The following KIF17 variants were observed in gnomAD, a reference collection of about 807,000 sequenced individuals.
KIF17 encodes the protein kinesin family member 17.
In KIF17, 80 loss-of-function variants were observed where a neutral mutation model predicts 96.8. The ratio of observed to expected loss-of-function variants is 0.83; its 90% confidence interval spans 0.69 to 1.00. KIF17 has a LOEUF of 1.00. KIF17 is among the 50% of genes least tolerant of loss of function. The pLI is 0.00. For synonymous variants in KIF17, 567 were observed against 587.5 expected (o/e 0.97, Z 0.51); for missense variants, 1,280 against 1,372.9 (o/e 0.93, Z 1.07).
At chr1:20,673,821 G>A (rs1334879609) in intron 11 of KIF17, among the ~76,000 whole-genome samples, 4 of 152,054 alleles carry the variant, frequency 2.6e-5, no homozygotes, top group African/African-American at 4.8e-5. Context: ...GAGCCACCGC[G>A]CCCGGCCCTG....
chr1:20,676,113 A>C (rs1206631035), intron 11 of KIF17, among the ~76,000 whole-genome samples: 1 of 152,182 alleles, frequency 6.6e-6, no homozygotes, highest in Non-Finnish European at 1.5e-5. Context: ...TAGATCATTA[A>C]TTTACTCTTT....
chr1:20,680,305 C>G (rs1320829126), intron 11 of KIF17, among the ~76,000 whole-genome samples: 3 of 152,186 alleles, frequency 2.0e-5, no homozygotes, highest in African/African-American at 7.2e-5. Context: ...CAGAAAAGAA[C>G]AGATGTGTCT....
rs551278299 is a variant in KIF17 at position 20,685,040 on chromosome 1, C to T, written c.2020-20G>A. 2 of 1,566,564 alleles carry T rather than the reference C, an allele frequency of 1.3e-6. No homozygotes were observed. Among genetic ancestry groups the T allele is most frequent in the Admixed American group, 1.9e-5 (1 of 53,206 alleles). On this transcript the variant is annotated intron_variant, in intron 9 of 14. Transcript: ENST00000400463. This position sits in a 1 kb window ranked among gnomAD's most constrained non-coding sequence, Gnocchi z 4.1. The stretch of plus-strand genomic sequence containing the variant: ...TACCTCCTGAGTGTGAAGAGAAACC[C>T]AGGTGGAGGTGGGAAGGCCGCCCCA...
intron 11 of KIF17, 118 bp downstream of exon 11, chr1:20,682,535 C>T: frequency 2.5e-6 from 2 of 812,722 alleles, no homozygotes; most frequent in Non-Finnish European, 4.3e-6. Context: ...TGCATGCATG[C>T]CTGCTGTGTA....
At chr1:20,702,815 T>C (rs1237795623) in intron 5 of KIF17, among the ~76,000 whole-genome samples, 1 of 152,214 alleles carries the variant, frequency 6.6e-6, no homozygotes, top group African/African-American at 2.4e-5. Flanking sequence ...CTCTCTGCCC[T>C]GTACAGCTGT....
chr1:20,712,795 A>AT (rs568164254), intron 3 of KIF17, among the ~76,000 whole-genome samples: 3 of 37,132 alleles, frequency 8.1e-5, no homozygotes, highest in African/African-American at 1.6e-4. Context: ...TCTATATATA[A>AT]ATAGATAATA....
intron 3 of KIF17, among the ~76,000 whole-genome samples, chr1:20,712,053 G>A (rs1310187206): frequency 6.6e-6 from 1 of 152,166 alleles, no homozygotes; most frequent in South Asian, 2.1e-4. Flanking sequence ...CCCCAAGGCA[G>A]CTGGTTCAAT....
intron 3 of KIF17, among the ~76,000 whole-genome samples, chr1:20,710,276 G>C (rs1042621056): frequency 6.6e-6 from 1 of 152,158 alleles, no homozygotes; most frequent in African/African-American, 2.4e-5. Flanking sequence ...TGAGCCTGTC[G>C]TCACCCATGA....
In KIF17 at chr1:20,672,541, A is replaced by G. The variant is rs1387935888; in HGVS notation, c.2464-345T>C. 2.0e-5 allele frequency among the ~76,000 whole-genome samples: 3 copies of G among 152,152 alleles called. No individual in the cohort carries two copies. In the East Asian group the frequency reaches 5.8e-4, roughly 29 times the overall value. ...CCTCAGTCACTATCTCCCATTGTACATTTTATTCAGGAGCCTTTGAGAAGT... is the reference window on the plus strand; with the variant it reads ...CCTCAGTCACTATCTCCCATTGTACGTTTTATTCAGGAGCCTTTGAGAAGT... On this transcript the variant is annotated intron_variant, in intron 11 of 14. Transcript: ENST00000400463. The surrounding 1 kb of genome is among the most constrained non-coding windows in gnomAD (Gnocchi z 4.3).
chr1:20,669,270 G>T (rs1421784883), intron 13 of KIF17, among the ~76,000 whole-genome samples: 2 of 152,016 alleles, frequency 1.3e-5, no homozygotes, highest in Non-Finnish European at 2.9e-5. Context: ...GGGCACAGTG[G>T]CTCACGCCTA....
In KIF17 at chr1:20,665,219, CT is replaced by C. The variant is rs59635021; in HGVS notation, c.2909-458del. Among the ~76,000 whole-genome samples the C allele has an allele frequency of 3.7e-3, 225 of 61,276 alleles. 4 individuals carry two copies. The highest frequency in any genetic ancestry group is 0.016 in the African/African-American group (198 of 12,642). 40.2% of individuals were successfully genotyped at this position (61,276 alleles called of 152,430 possible). On this transcript the variant is annotated intron_variant, in intron 14 of 14. Coordinates refer to ENST00000400463, the MANE Select transcript of KIF17 (RefSeq NM_001122819.3). ...TCAATATATAGAACTCAAATTTGCTCTTTTTTTTTTTTTTTTTTTTTTTTTT... is the reference window on the plus strand; with the variant it reads ...TCAATATATAGAACTCAAATTTGCTCTTTTTTTTTTTTTTTTTTTTTTTTT...
Position 20,709,608 on chromosome 1 carries a change from T to C in KIF17, c.670+31A>G. 6.2e-7 allele frequency: 1 copy of C among 1,612,006 alleles called. No individual in the cohort carries two copies. The highest frequency in any genetic ancestry group is 8.5e-7 in the Non-Finnish European group (1 of 1,178,874). ...CTAGTGGGAGTGGCTGGGTCATCTG[T>C]CCCCCTGCCCCCAACAATGGCCTCG... On this transcript the variant is annotated intron_variant, in intron 4 of 14. Transcript: ENST00000400463. This position sits in a 1 kb window ranked among gnomAD's most constrained non-coding sequence, Gnocchi z 4.7.
chr1:20,663,435 G>T (rs751821807), downstream of KIF17, among the ~76,000 whole-genome samples: 1 of 152,144 alleles, frequency 6.6e-6, no homozygotes, highest in East Asian at 1.9e-4. Flanking sequence ...GACTAACACA[G>T]AGCACCTGCT....
chr1:20,701,426 G>A (rs904286582), intron 5 of KIF17, among the ~76,000 whole-genome samples: 5 of 151,584 alleles, frequency 3.3e-5, no homozygotes, highest in South Asian at 4.1e-4. Context: ...GCAAGACTCC[G>A]TCTCAAAAAA....
Position 20,682,839 on chromosome 1 carries a change from C to G in KIF17, c.2277G>C (p.Lys759Asn), listed in dbSNP as rs578074180. 6.2e-7 allele frequency: 1 copy of G among 1,612,328 alleles called. No homozygotes were observed. Among genetic ancestry groups the G allele is most frequent in the Admixed American group, 1.7e-5 (1 of 60,028 alleles). Residue 759 changes from lysine (K) to asparagine (N), a missense_variant, in exon 11 of 15, where the codon AAG (lysine) becomes AAC (asparagine). Coordinates refer to ENST00000400463, the MANE Select transcript of KIF17 (RefSeq NM_001122819.3). ...EQQVVGGEQAKNKDLKEKHKR... is the reference protein window; with the variant it reads ...EQQVVGGEQANNKDLKEKHKR... Reference sequence around the variant, plus strand: ...TGTGCTTCTCCTTCAGGTCCTTGTTCTTGGCCTGCTCTCCACCCACAACCT... The same window carrying G: ...TGTGCTTCTCCTTCAGGTCCTTGTTGTTGGCCTGCTCTCCACCCACAACCT...
Position 20,672,907 on chromosome 1 carries a change from G to C in KIF17, c.2464-711C>G, listed in dbSNP as rs1210704554. The stretch of plus-strand genomic sequence containing the variant: ...GGTGCACAGTCTGTTTCCTCAAAGA[G>C]CAGGTACAGTCTGATTAGTAAAGAA... On this transcript the variant is annotated intron_variant, in intron 11 of 14. Transcript: ENST00000400463. The surrounding 1 kb of genome is among the most constrained non-coding windows in gnomAD (Gnocchi z 4.3). The C allele has an allele frequency of 1.3e-5, 2 of 158,250 alleles. No individual in the cohort carries two copies. Among genetic ancestry groups the C allele is most frequent in the African/African-American group, 4.8e-5 (2 of 41,482 alleles). The allele number at this position is 158,250 out of a possible 1,614,324, so 9.8% of individuals were successfully genotyped here.
chr1:20,667,074 G>T (rs1163033949), intron 13 of KIF17, among the ~76,000 whole-genome samples: 1 of 152,146 alleles, frequency 6.6e-6, no homozygotes, highest in African/African-American at 2.4e-5. Flanking sequence ...TAAGACAAGG[G>T]TTTCCAACCC....
In KIF17 at chr1:20,715,686, GCAGGGCTCGGGA is replaced by G. The variant is rs552868844; in HGVS notation, c.232-59_232-48del. ...CCCCGTGCTCAGTGGAGCAGGCACAGCAGGGCTCGGGACAGGGCTCCCTAACCCACAGACTCA... is the reference window on the plus strand; with the variant it reads ...CCCCGTGCTCAGTGGAGCAGGCACAGCAGGGCTCCCTAACCCACAGACTCA... On this transcript the variant is annotated intron_variant, in intron 1 of 14. Coordinates refer to ENST00000400463, the MANE Select transcript of KIF17 (RefSeq NM_001122819.3). 1,561 of 1,612,042 alleles carry G rather than the reference GCAGGGCTCGGGA, an allele frequency of 9.7e-4. 12 individuals are homozygous for G. The African/African-American group carries it at 0.015, about 16-fold the overall frequency.
intron 5 of KIF17, among the ~76,000 whole-genome samples, chr1:20,701,471 A>G (rs566730944): frequency 6.6e-6 from 1 of 152,192 alleles, no homozygotes; most frequent in African/African-American, 2.4e-5. Flanking sequence ...GCCAGGCTGC[A>G]GGGTGCATTT....
Sources: gnomAD v4.1 joint callset for allele counts (sites outside exome capture counted in the v4.1 genomes callset) on GRCh38, gnomAD v4.1.1 for gene constraint, Gnocchi (gnomAD v3.1) non-coding constraint, MANE v1.5 for transcripts, NCBI Gene and HGNC (gene_info 2026-07-23, HGNC 2026-07-21) for gene names.